Variants in FLACC1 observed in about 807,000 individuals in gnomAD.
FLACC1 encodes the protein flagellum associated containing coiled-coil domains 1.
Under a neutral mutation model 62.8 loss-of-function variants are expected in FLACC1, and 66 were observed. The observed-to-expected ratio is 1.05, with a 90% CI of 0.86 to 1.29. The LOEUF is 1.29. FLACC1 is among the 50% of genes most tolerant of loss of function. FLACC1 has a pLI of 0.00. For synonymous variants in FLACC1, 156 were observed against 161.0 expected (o/e 0.97, Z 0.24); for missense variants, 452 against 489.1 (o/e 0.92, Z 0.71).
chr2:201,323,464 G>A (rs548695134), intron 9 of FLACC1, among the ~76,000 whole-genome samples: 4 of 152,294 alleles, frequency 2.6e-5, no homozygotes, highest in African/African-American at 7.2e-5. Context: ...GAAAAAAACT[G>A]TCAGCCAAGA....
Position 201,329,477 on chromosome 2 carries a change from A to G in FLACC1, c.675+993T>C, listed in dbSNP as rs1385178486. Among the ~76,000 whole-genome samples the G allele has an allele frequency of 3.3e-5, 5 of 152,216 alleles. No individual in the cohort carries two copies. The South Asian group carries it at 8.3e-4, about 25-fold the overall frequency. ...CAAAAGAAAATAAATTTTTCTACCA[A>G]AAAGACACCTTCTCTTGTATGTTAA... On this transcript the variant is annotated intron_variant, in intron 9 of 14. Transcript: ENST00000392257.
chr2:201,317,719 CAAA>C (rs1032889638), intron 9 of FLACC1, among the ~76,000 whole-genome samples: 5 of 151,880 alleles, frequency 3.3e-5, no homozygotes, highest in African/African-American at 1.2e-4. Context: ...CATATGGAAC[CAAA>C]AAAGAACCCA....
chr2:201,342,437 A>G lies in FLACC1; in HGVS notation c.463-6T>C. On this transcript the variant is annotated splice_region_variant and splice_polypyrimidine_tract_variant and intron_variant, in intron 6 of 14. Coordinates refer to ENST00000392257, the MANE Select transcript of FLACC1 (RefSeq NM_001127391.3). ...AGATCCATTTCACTGGAGAGCTGGA[A>G]ACAAAATCAGCATCTACAACACAGG... 1 of 1,614,190 alleles carries G rather than the reference A, an allele frequency of 6.2e-7. No homozygotes were observed. Among genetic ancestry groups the G allele is most frequent in the Non-Finnish European group, 8.5e-7 (1 of 1,180,020 alleles).
At chr2:201,313,066 C>A (rs1034728497) in intron 9 of FLACC1, among the ~76,000 whole-genome samples, 1 of 152,194 alleles carries the variant, frequency 6.6e-6, no homozygotes, top group Admixed American at 6.5e-5. Flanking sequence ...CCTGTGGGCT[C>A]TCTGGGTTCC....
intron 9 of FLACC1, among the ~76,000 whole-genome samples, chr2:201,320,930 C>T (rs1278444113): frequency 6.6e-6 from 1 of 152,236 alleles, no homozygotes; most frequent in Non-Finnish European, 1.5e-5. Context: ...CCAACACAGT[C>T]CATTACAGCA....
chr2:201,360,510 G>A (rs1300545697), upstream of FLACC1, among the ~76,000 whole-genome samples: 1 of 152,208 alleles, frequency 6.6e-6, no homozygotes, highest in Non-Finnish European at 1.5e-5. Context: ...GTGTGGAAAA[G>A]ACAGTGTTCT....
chr2:201,342,867 CTA>C (rs1175162817), intron 6 of FLACC1, among the ~76,000 whole-genome samples: 2 of 152,196 alleles, frequency 1.3e-5, no homozygotes, highest in Admixed American at 6.5e-5. Flanking sequence ...AACTTAAAAT[CTA>C]GTGTTAATCC....
At chr2:201,361,250 T>C (rs954348849), upstream of FLACC1, among the ~76,000 whole-genome samples, 2 of 152,174 alleles carry the variant, frequency 1.3e-5, no homozygotes, top group Non-Finnish European at 2.9e-5. Context: ...AAACAAAAGA[T>C]GACTGTGCCC....
At chr2:201,295,781 T>G (rs562941083) in intron 12 of FLACC1, among the ~76,000 whole-genome samples, 1 of 152,064 alleles carries the variant, frequency 6.6e-6, no homozygotes, top group East Asian at 1.9e-4. Context: ...GGGTTAATAT[T>G]CCAGAATCTA....
intron 9 of FLACC1, among the ~76,000 whole-genome samples, chr2:201,328,201 T>A (rs978948049): frequency 6.6e-6 from 1 of 151,960 alleles, no homozygotes; most frequent in Non-Finnish European, 1.5e-5. Context: ...AACTACACAT[T>A]AGGTACAATA....
At chr2:201,289,813 A>T in intron 12 of FLACC1, 28 bp from the exon 13 acceptor site, 1 of 1,614,182 alleles carries the variant, frequency 6.2e-7, no homozygotes, top group Non-Finnish European at 8.5e-7. Flanking sequence ...GTTGCAGGAC[A>T]TCATGCCAAT....
intron 9 of FLACC1, among the ~76,000 whole-genome samples, chr2:201,313,520 G>C (rs1950254592): frequency 6.6e-6 from 1 of 152,070 alleles, no homozygotes; most frequent in Admixed American, 6.6e-5. Flanking sequence ...CATTTACCTG[G>C]GAACCACACC....
At chr2:201,305,276 T>C (rs1439292736) in intron 11 of FLACC1, among the ~76,000 whole-genome samples, 1 of 152,144 alleles carries the variant, frequency 6.6e-6, no homozygotes, top group Non-Finnish European at 1.5e-5. Flanking sequence ...GGGCGAAGGA[T>C]ATGAACAGAC....
At chr2:201,310,706 G>A (rs1047697085) in intron 9 of FLACC1, among the ~76,000 whole-genome samples, 7 of 152,044 alleles carry the variant, frequency 4.6e-5, no homozygotes, top group African/African-American at 1.7e-4. Context: ...TGGCAATTTG[G>A]CCATATATAT....
At chr2:201,332,291 C>T (rs144507493) in intron 7 of FLACC1, among the ~76,000 whole-genome samples, 4,920 of 152,078 alleles carry the variant, frequency 0.032, 224 homozygotes, top group African/African-American at 0.099. Context: ...CTCTGTCCCC[C>T]AGGCTGGAGT....
At position 201,289,790 on chromosome 2, in the gene FLACC1, A is replaced by G. The variant is rs1431674423; in HGVS notation, c.943-5T>C. On this transcript the variant is annotated splice_region_variant and splice_polypyrimidine_tract_variant and intron_variant, in intron 12 of 14. Transcript: ENST00000392257. ...ATGCAATTCTTCCTGCATGACCTGC[A>G]TAAGAAGAAGCTGTTGCAGGACATC... is the stretch of plus-strand genomic sequence containing the variant. 1.2e-6 allele frequency: 2 copies of G among 1,614,256 alleles called. No individual in the cohort carries two copies. The highest frequency in any genetic ancestry group is 1.7e-6 in the Non-Finnish European group (2 of 1,180,046).
rs1306329713 is a variant in FLACC1, at chr2:201,342,369, C to T, written c.524+1G>A. On this transcript the variant is annotated splice_donor_variant, in intron 7 of 14. Transcript: ENST00000392257. LOFTEE classifies it high-confidence loss of function. ...ACAAGGGTCCATGCCAGAAAGTGTACCTGTTCTTGTTTTCAAAGTTCTGTT... is the reference window on the plus strand; with the variant it reads ...ACAAGGGTCCATGCCAGAAAGTGTATCTGTTCTTGTTTTCAAAGTTCTGTT... 6.2e-7 allele frequency: 1 copy of T among 1,614,136 alleles called. No homozygotes were observed. The highest frequency in any genetic ancestry group is 8.5e-7 in the Non-Finnish European group (1 of 1,180,008).
intron 1 of FLACC1, among the ~76,000 whole-genome samples, chr2:201,355,639 C>T (rs985303026): frequency 4.0e-5 from 6 of 151,858 alleles, no homozygotes; most frequent in African/African-American, 1.2e-4. Flanking sequence ...GTGGGAGAGT[C>T]GCTTGAGGCT....
upstream of FLACC1, among the ~76,000 whole-genome samples, chr2:201,358,334 C>A (rs1951149338): frequency 6.6e-6 from 1 of 152,136 alleles, no homozygotes; most frequent in South Asian, 2.1e-4. Context: ...CCTTGACCTC[C>A]TGGACTCAAG....
Sources: allele counts gnomAD v4.1 joint callset (sites outside exome capture counted in the v4.1 genomes callset), GRCh38; gene constraint gnomAD v4.1.1; transcripts MANE v1.5; gene names NCBI Gene and HGNC (gene_info 2026-07-23, HGNC 2026-07-21).